Variants in CAGE1 observed in about 807,000 individuals in gnomAD.
CAGE1 encodes the protein cancer-associated gene 1 protein.
CAGE1 carries 66 observed loss-of-function variants against 94.9 expected under a neutral mutation model. That is an observed-to-expected ratio of 0.70 (90% CI 0.57 to 0.85). CAGE1 has a LOEUF of 0.85. CAGE1 is among the 40% of genes least tolerant of loss of function. The pLI is 0.00. For missense variants in CAGE1, 865 were observed against 950.4 expected (o/e 0.91, Z 1.18); for synonymous variants, 319 against 321.0 (o/e 0.99, Z 0.07).
intron 4 of CAGE1, 118 bp from the exon 5 acceptor site, chr6:7,374,249 T>C: frequency 1.3e-6 from 1 of 749,890 alleles, no homozygotes; most frequent in Non-Finnish European, 2.2e-6. Flanking sequence ...TTCTCCGCTA[T>C]AAAGTAACAA....
chr6:7,350,760 T>C (rs1421756933), intron 11 of CAGE1, among the ~76,000 whole-genome samples: 1 of 152,034 alleles, frequency 6.6e-6, no homozygotes, highest in Non-Finnish European at 1.5e-5. Flanking sequence ...ACAGCAAAGG[T>C]GGCAATAAGA....
At chr6:7,345,924 CAAAA>C (rs146181256) in intron 11 of CAGE1, among the ~76,000 whole-genome samples, 4,526 of 151,756 alleles carry the variant, frequency 0.03, 102 homozygotes, top group Non-Finnish European at 0.044. Flanking sequence ...GAGTCCATCT[CAAAA>C]AAAGAAAAAT....
chr6:7,386,982 A>C lies in CAGE1; in HGVS notation c.192T>G (p.Pro64=). 6.5e-7 allele frequency: 1 copy of C among 1,548,450 alleles called. No homozygotes were observed. Residue 64 remains proline (P), a synonymous_variant, in exon 2 of 14, where the codon CCT becomes CCG. Transcript: ENST00000502583. ...METTGTTCDL[P]QNEIKNFERE... is the part of the protein sequence containing the mutation. Reference sequence around the variant, plus strand: ...GGAACTTATAAGCAATGCACACCTGAGGCAAGTCACAAGTGGTGCCGGTGG... The same window carrying C: ...GGAACTTATAAGCAATGCACACCTGCGGCAAGTCACAAGTGGTGCCGGTGG...
chr6:7,383,882 T>G (rs1360579561), intron 3 of CAGE1, among the ~76,000 whole-genome samples: 2 of 152,192 alleles, frequency 1.3e-5, no homozygotes, highest in African/African-American at 4.8e-5. Flanking sequence ...TAGTTTGTGC[T>G]GTTACTGATA....
chr6:7,378,752 T>C lies in CAGE1; in HGVS notation c.552A>G (p.Arg184=), dbSNP rs1396203230. 5.6e-6 allele frequency: 9 copies of C among 1,613,874 alleles called. No individual in the cohort carries two copies. In the South Asian group the frequency reaches 8.8e-5, roughly 16 times the overall value. The change falls in exon 4 of 14, where the codon AGA becomes AGG. Residue 184 remains arginine, a synonymous_variant. Transcript: ENST00000502583. ...GAGGCGGGCTTCTAGGAGGAGGCTGTCTAAAATACTCGTTACCAAGTTGGT... is the reference window on the plus strand; with the variant it reads ...GAGGCGGGCTTCTAGGAGGAGGCTGCCTAAAATACTCGTTACCAAGTTGGT... The part of the protein sequence containing the change: ...NTDQLGNEYF[R]QPPPRSPPLI...
At chr6:7,328,924 A>ATC in intron 13 of CAGE1, among the ~76,000 whole-genome samples, 1 of 74,134 alleles carries the variant, frequency 1.3e-5, no homozygotes, top group Non-Finnish European at 3.1e-5. Context: ...GTGTGTATAT[A>ATC]TATATATATA....
intron 11 of CAGE1, among the ~76,000 whole-genome samples, chr6:7,354,787 G>A (rs539159210): frequency 6.6e-6 from 1 of 152,118 alleles, no homozygotes; most frequent in Non-Finnish European, 1.5e-5. Flanking sequence ...ATTGCTGAAT[G>A]TTTCTTAGTA....
chr6:7,351,435 A>G (rs571298816), intron 11 of CAGE1, among the ~76,000 whole-genome samples: 78 of 152,076 alleles, frequency 5.1e-4, no homozygotes, highest in African/African-American at 1.9e-3. Context: ...AAAACCCTCC[A>G]TAATTCATTC....
intron 11 of CAGE1, among the ~76,000 whole-genome samples, chr6:7,350,550 T>C (rs1054197954): frequency 3.3e-5 from 5 of 152,190 alleles, no homozygotes; most frequent in African/African-American, 1.2e-4. Context: ...ACTGAAATTA[T>C]ATCAAGCACT....
chr6:7,362,235 A>G lies in CAGE1; in HGVS notation c.2193+3233T>C, dbSNP rs1175932589. Among the ~76,000 whole-genome samples, 1 of 152,224 alleles carries G rather than the reference A, an allele frequency of 6.6e-6. No individual in the cohort carries two copies. The highest frequency in any genetic ancestry group is 2.4e-5 in the African/African-American group (1 of 41,460). On this transcript the variant is annotated intron_variant, in intron 9 of 13. Transcript: ENST00000502583. This position sits in a 1 kb window ranked among gnomAD's most constrained non-coding sequence, Gnocchi z 4.1. ...GTGGTATGTTTTAGGACAGATTTTG[A>G]TTTTTAAATTTTAACTACTCCATAA...
chr6:7,373,020 C>T, intron 5 of CAGE1, 53 bp downstream of exon 5: 1 of 1,287,208 alleles, frequency 7.8e-7, no homozygotes, highest in Non-Finnish European at 1.1e-6. Flanking sequence ...CATCACTAGA[C>T]CACTAGAAAC....
Position 7,378,820 on chromosome 6 carries a change from TA to T in CAGE1, c.483del (p.Phe161LeufsTer33). 6.2e-7 allele frequency: 1 copy of T among 1,613,480 alleles called. No homozygotes were observed. The highest frequency in any genetic ancestry group is 2.2e-5 in the East Asian group (1 of 44,876). On this transcript the variant is annotated frameshift_variant, in exon 4 of 14. Transcript: ENST00000502583. LOFTEE classifies it high-confidence loss of function. ...CTAGTTTCCATTGGATTTTCTTCCTTAAATGAGTCTTGCTTTATATTGTTGT... is the reference window on the plus strand; with the variant it reads ...CTAGTTTCCATTGGATTTTCTTCCTTAATGAGTCTTGCTTTATATTGTTGT... ...AKDNNIKQDS[F>X]KEENPMETSV...
chr6:7,374,536 C>CT (rs67377444), intron 4 of CAGE1, among the ~76,000 whole-genome samples: 56,938 of 149,858 alleles, frequency 0.38, 10,924 homozygotes, highest in East Asian at 0.44. Flanking sequence ...CAAGTTCTCT[C>CT]TCTTTTTTTT....
intron 11 of CAGE1, among the ~76,000 whole-genome samples, chr6:7,351,407 C>T (rs1759759720): frequency 6.6e-6 from 1 of 151,954 alleles, no homozygotes. Flanking sequence ...GGCACTATTC[C>T]ACAAGGTAGA....
At chr6:7,375,810 T>G (rs1314667231) in intron 4 of CAGE1, among the ~76,000 whole-genome samples, 1 of 152,174 alleles carries the variant, frequency 6.6e-6, no homozygotes, top group Non-Finnish European at 1.5e-5. Context: ...ACTTCTGTAT[T>G]TTGTTTTTTG....
chr6:7,378,104 C>G (rs1181768371), intron 4 of CAGE1, among the ~76,000 whole-genome samples: 1 of 152,108 alleles, frequency 6.6e-6, no homozygotes, highest in Non-Finnish European at 1.5e-5. Flanking sequence ...TTTGATTCAA[C>G]AAATATAAAA....
At chr6:7,365,347 G>T in intron 9 of CAGE1, 121 bp downstream of exon 9, 1 of 698,200 alleles carries the variant, frequency 1.4e-6, no homozygotes, top group South Asian at 2.0e-5. Flanking sequence ...ATAATGCCAT[G>T]ATGCCAGTGT....
chr6:7,354,534 A>G (rs1310645764), intron 11 of CAGE1, among the ~76,000 whole-genome samples: 2 of 152,134 alleles, frequency 1.3e-5, no homozygotes, highest in East Asian at 3.9e-4. Context: ...AGCATATATG[A>G]AATTGGGGGA....
intron 3 of CAGE1, among the ~76,000 whole-genome samples, chr6:7,384,596 T>G (rs538169486): frequency 1.1e-4 from 16 of 152,246 alleles, no homozygotes; most frequent in African/African-American, 3.6e-4. Context: ...GTGAGATCCA[T>G]TTCAAAAACA....
Sources: gnomAD v4.1 joint callset for allele counts (sites outside exome capture counted in the v4.1 genomes callset) on GRCh38, gnomAD v4.1.1 for gene constraint, Gnocchi (gnomAD v3.1) non-coding constraint, MANE v1.5 for transcripts, NCBI Gene and HGNC (gene_info 2026-07-23, HGNC 2026-07-21) for gene names.